Variants in MACROD2 observed in about 807,000 individuals in gnomAD.
The protein encoded by MACROD2 is mono-ADP ribosylhydrolase 2.
MACROD2 carries 36 observed loss-of-function variants against 70.4 expected under a neutral mutation model. That is an observed-to-expected ratio of 0.51 (90% CI 0.39 to 0.68). The LOEUF is 0.68. MACROD2 is among the 30% of genes least tolerant of loss of function. The pLI, the probability that MACROD2 is intolerant of heterozygous loss-of-function variation, is 0.00. For missense variants in MACROD2, 496 were observed against 538.4 expected (o/e 0.92, Z 0.78); for synonymous variants, 172 against 178.8 (o/e 0.96, Z 0.30).
In MACROD2 at chr20:15,675,960, T is replaced by G. The variant is rs369992827; in HGVS notation, c.645+176113T>G. On this transcript the variant is annotated intron_variant, in intron 8 of 17. Transcript: ENST00000684519. ...ACCTGTGTATCCATGAAGCTTTAAT[T>G]AGGTTAACAAGGTACCCATTAGTCT... Among the ~76,000 whole-genome samples the G allele has an allele frequency of 9.7e-4, 148 of 152,316 alleles. 3 individuals carry two copies. The highest frequency in any genetic ancestry group is 3.4e-3 in the Middle Eastern group (1 of 294).
At chr20:15,376,951 C>G (rs538776700) in intron 6 of MACROD2, among the ~76,000 whole-genome samples, 9 of 152,032 alleles carry the variant, frequency 5.9e-5, no homozygotes, top group South Asian at 2.1e-4. Context: ...AGTGCAGTGG[C>G]GCAATCTTGG....
At chr20:14,445,177 G>C (rs2084169995) in intron 3 of MACROD2, among the ~76,000 whole-genome samples, 1 of 151,928 alleles carries the variant, frequency 6.6e-6, no homozygotes, top group African/African-American at 2.4e-5. Context: ...TTTCTCCCTG[G>C]TTCATCCTGC....
At chr20:14,828,426 G>T (rs2032014655) in intron 5 of MACROD2, among the ~76,000 whole-genome samples, 1 of 152,082 alleles carries the variant, frequency 6.6e-6, no homozygotes, top group Non-Finnish European at 1.5e-5. Flanking sequence ...CACTTTTAGG[G>T]TTAACTGGGA....
At chr20:14,968,271 G>A (rs920423904) in intron 5 of MACROD2, among the ~76,000 whole-genome samples, 5 of 152,054 alleles carry the variant, frequency 3.3e-5, no homozygotes, top group Non-Finnish European at 7.4e-5. Context: ...TGATACTCCC[G>A]TTAAATGTGT....
At chr20:14,417,062 CT>C (rs1164829818) in intron 3 of MACROD2, among the ~76,000 whole-genome samples, 28 of 73,092 alleles carry the variant, frequency 3.8e-4, no homozygotes, top group African/African-American at 9.8e-4. Context: ...ATCTATCTAT[CT>C]ATCATCTATC....
intron 3 of MACROD2, among the ~76,000 whole-genome samples, chr20:14,479,032 C>T (rs576838733): frequency 1.3e-5 from 2 of 152,172 alleles, no homozygotes; most frequent in South Asian, 4.2e-4. Flanking sequence ...GGAGATTCCC[C>T]TCCACACCTC....
intron 2 of MACROD2, among the ~76,000 whole-genome samples, chr20:14,062,076 A>C (rs2053697136): frequency 6.6e-6 from 1 of 152,210 alleles, no homozygotes; most frequent in Admixed American, 6.5e-5. Context: ...GCAGGAAATT[A>C]AAATATCATG....
chr20:15,529,395 G>A (rs780065746), intron 8 of MACROD2, among the ~76,000 whole-genome samples: 2 of 151,614 alleles, frequency 1.3e-5, no homozygotes, highest in Non-Finnish European at 2.9e-5. Flanking sequence ...TTTTCCAATT[G>A]TTTTTACATT....
intron 5 of MACROD2, among the ~76,000 whole-genome samples, chr20:14,861,204 C>T (rs1266379889): frequency 1.3e-5 from 2 of 152,000 alleles, no homozygotes; most frequent in Non-Finnish European, 2.9e-5. Flanking sequence ...TGGTGGAAGC[C>T]GTTACTACCC....
At chr20:15,987,213 G>T in intron 15 of MACROD2, 55 bp downstream of exon 15, 2 of 1,386,564 alleles carry the variant, frequency 1.4e-6, no homozygotes, top group East Asian at 2.3e-5. Context: ...TTGGATTCCT[G>T]CCTAGAATTC....
At position 15,993,126 on chromosome 20, in the gene MACROD2, G is replaced by A. The variant is rs114738729; in HGVS notation, c.1153+5968G>A. On this transcript the variant is annotated intron_variant, in intron 15 of 17. Transcript: ENST00000684519. The stretch of plus-strand genomic sequence containing the variant: ...AAATTTTCAGAAAGATAAAATTATG[G>A]CTGTCATACAACTATAAAATCAATA... 4.9e-3 allele frequency among the ~76,000 whole-genome samples: 747 copies of A among 151,936 alleles called. 2 individuals carry two copies. The highest frequency in any genetic ancestry group is 0.016 in the African/African-American group (674 of 41,414).
At chr20:15,701,955 G>T (rs555179047) in intron 8 of MACROD2, among the ~76,000 whole-genome samples, 22 of 152,132 alleles carry the variant, frequency 1.4e-4, no homozygotes, top group Non-Finnish European at 3.1e-4. Flanking sequence ...TTATGATAAT[G>T]GCCTCTAGCT....
intron 3 of MACROD2, among the ~76,000 whole-genome samples, chr20:14,234,790 A>G (rs1330713186): frequency 6.6e-6 from 1 of 152,166 alleles, no homozygotes; most frequent in African/African-American, 2.4e-5. Context: ...AAAAAGATCT[A>G]GCACTCCAAG....
intron 5 of MACROD2, among the ~76,000 whole-genome samples, chr20:15,205,413 A>C (rs972395440): frequency 6.6e-6 from 1 of 152,132 alleles, no homozygotes; most frequent in Non-Finnish European, 1.5e-5. Flanking sequence ...TAATATGGTC[A>C]GAAGTAATTA....
intron 3 of MACROD2, among the ~76,000 whole-genome samples, chr20:14,162,759 G>C (rs560994197): frequency 6.6e-6 from 1 of 152,066 alleles, no homozygotes; most frequent in East Asian, 1.9e-4. Flanking sequence ...TTACAGGAAA[G>C]ATGAGTTACT....
At chr20:15,143,945 TAAA>T (rs3070269) in intron 5 of MACROD2, among the ~76,000 whole-genome samples, 1 of 131,952 alleles carries the variant, frequency 7.6e-6, no homozygotes, top group Non-Finnish European at 1.6e-5. Flanking sequence ...GCTGATGAGC[TAAA>T]AAAAAAAAAA....
intron 5 of MACROD2, among the ~76,000 whole-genome samples, chr20:14,948,190 AG>A (rs1445648802): frequency 6.6e-6 from 1 of 151,026 alleles, no homozygotes; most frequent in Admixed American, 6.8e-5. Flanking sequence ...CCTTTTCAGG[AG>A]AGAATCCTCT....
At chr20:14,255,152 T>C (rs2082043416) in intron 3 of MACROD2, among the ~76,000 whole-genome samples, 1 of 152,116 alleles carries the variant, frequency 6.6e-6, no homozygotes. Context: ...CCGACCTTTC[T>C]CTCTGGCTGC....
At chr20:15,116,766 A>T (rs1214930235) in intron 5 of MACROD2, among the ~76,000 whole-genome samples, 1 of 152,224 alleles carries the variant, frequency 6.6e-6, no homozygotes, top group African/African-American at 2.4e-5. Flanking sequence ...AGTATGCATT[A>T]ATTGAAAGTT....
Sources: gnomAD v4.1 joint callset for allele counts (sites outside exome capture counted in the v4.1 genomes callset) on GRCh38, gnomAD v4.1.1 for gene constraint, MANE v1.5 for transcripts, NCBI Gene and HGNC (gene_info 2026-07-23, HGNC 2026-07-21) for gene names.